Variants in COL18A1 observed in about 807,000 individuals in gnomAD.
COL18A1 encodes the protein collagen alpha-1(XVIII) chain.
In COL18A1, 133 loss-of-function variants were observed where a neutral mutation model predicts 168.0. That is an observed-to-expected ratio of 0.79 (90% confidence interval 0.69 to 0.91). COL18A1 has a LOEUF of 0.91. COL18A1 is among the 40% of genes least tolerant of loss of function. The probability of loss-of-function intolerance (pLI) is 0.00; values close to 1 mark genes in which losing one functional copy is unlikely to be tolerated. For synonymous variants in COL18A1, 949 were observed against 809.0 expected (o/e 1.17, Z -2.94); for missense variants, 2,126 against 1,925.4 (o/e 1.10, Z -1.95).
At position 45,415,755 on chromosome 21, in the gene COL18A1, G is replaced by A. The variant is rs537421515; in HGVS notation, c.106+10282G>A. Reference sequence around the variant, plus strand: ...GAGGCAAAGGCGCAGAAGCACTCCCGGAAAGTGCCATCCAGCCCAGTGCCT... The same window carrying A: ...GAGGCAAAGGCGCAGAAGCACTCCCAGAAAGTGCCATCCAGCCCAGTGCCT... On this transcript the variant is annotated intron_variant, in intron 2 of 41. Coordinates refer to ENST00000651438, the MANE Select transcript of COL18A1 (RefSeq NM_001379500.1). Among the ~76,000 whole-genome samples the A allele has an allele frequency of 5.9e-5, 9 of 152,338 alleles. No homozygotes were observed. In the East Asian group the frequency reaches 9.6e-4, roughly 16 times the overall value.
intron 6 of COL18A1, 27 bp from the exon 7 acceptor site, chr21:45,477,384 C>G: frequency 1.3e-6 from 2 of 1,598,506 alleles, no homozygotes; most frequent in South Asian, 2.2e-5. Flanking sequence ...GGGGCGTGAC[C>G]GTGGCCACCT....
intron 38 of COL18A1, among the ~76,000 whole-genome samples, chr21:45,508,897 G>A (rs145547815): frequency 0.02 from 3,046 of 152,254 alleles, 51 homozygotes; most frequent in South Asian, 0.034. Flanking sequence ...GCTGAGGGCC[G>A]TGGGGAAAGG....
chr21:45,476,355 C>A lies in COL18A1; in HGVS notation c.803C>A (p.Ala268Glu), dbSNP rs375414087. The change falls in exon 6 of 42, where the codon GCG becomes GAG. Residue 268 changes from alanine (A) to glutamate (E), a missense_variant. Coordinates refer to ENST00000651438, the MANE Select transcript of COL18A1 (RefSeq NM_001379500.1). ...ACCTCCCCTCTCGTCCTCCAGGGCG[C>A]GGCCCTAAAACCCAGGCTCCCCGCG... ...ARELLREETG[A>E]ALKPRLPAPP... The A allele has an allele frequency of 1.2e-6, 2 of 1,613,994 alleles. No individual in the cohort carries two copies. The highest frequency in any genetic ancestry group is 8.5e-7 in the Non-Finnish European group (1 of 1,179,974).
chr21:45,464,133 G>A (rs374663376), intron 2 of COL18A1, among the ~76,000 whole-genome samples: 42 of 152,250 alleles, frequency 2.8e-4, no homozygotes, highest in African/African-American at 1.0e-3. Context: ...GGGGCAGAGT[G>A]ACCACATTTC....
At chr21:45,411,775 G>GGGGGGGGGGT (rs2033302810) in intron 2 of COL18A1, among the ~76,000 whole-genome samples, 1 of 131,748 alleles carries the variant, frequency 7.6e-6, no homozygotes, top group Admixed American at 7.6e-5. Context: ...GTGGGGGGGG[G>GGGGGGGGGGT]GCAGGCTGTG....
chr21:45,494,244 GCCCTCCACCCTCCA>G (rs3831207), intron 26 of COL18A1: 10 of 449,078 alleles, frequency 2.2e-5, no homozygotes, highest in South Asian at 1.4e-4. Flanking sequence ...CGTGGCACAT[GCCCTCCACCCTCCA>G]CCCTCCACCC....
At position 45,509,513 on chromosome 21, in the gene COL18A1, G is replaced by A. The variant is rs750182809; in HGVS notation, c.3407G>A (p.Gly1136Glu). 2.9e-5 allele frequency: 44 copies of A among 1,534,330 alleles called. No individual in the cohort carries two copies. The highest frequency in any genetic ancestry group is 1.8e-4 in the Middle Eastern group (1 of 5,424). The change falls in exon 39 of 42, where the codon GGA becomes GAA. Residue 1136 changes from glycine to glutamate, a missense_variant. Gly to Glu is a moderately conservative substitution (Grantham distance 98, BLOSUM62 -2). Coordinates refer to ENST00000651438, the MANE Select transcript of COL18A1 (RefSeq NM_001379500.1). ...PRLPEPQPYP[G>E]APHHSSYVHL... ...CTGCCCGAGCCCCAGCCCTACCCCG[G>A]AGCCCCGCACCACAGCTCCTACGTG...
At chr21:45,490,163 G>C in intron 19 of COL18A1, 112 bp from the exon 20 acceptor site, 2 of 804,422 alleles carry the variant, frequency 2.5e-6, no homozygotes, top group Non-Finnish European at 4.1e-6. Context: ...AGGGGTGAGA[G>C]AGAGAAGTCC....
intron 15 of COL18A1, among the ~76,000 whole-genome samples, chr21:45,486,216 C>T (rs998141610): frequency 6.6e-6 from 1 of 152,018 alleles, no homozygotes; most frequent in Admixed American, 6.5e-5. Context: ...CCAGTGGTCC[C>T]AGGGTCCTGA....
At chr21:45,427,639 G>A (rs1233918956) in intron 2 of COL18A1, among the ~76,000 whole-genome samples, 1 of 152,224 alleles carries the variant, frequency 6.6e-6, no homozygotes, top group Non-Finnish European at 1.5e-5. Flanking sequence ...AGGCCGGCGG[G>A]TGTTGAGGTC....
intron 38 of COL18A1, among the ~76,000 whole-genome samples, chr21:45,508,869 G>A (rs1040288553): frequency 1.3e-5 from 2 of 152,204 alleles, no homozygotes; most frequent in African/African-American, 4.8e-5. Context: ...GATGGCAATG[G>A]CAGCTGGGTC....
intron 2 of COL18A1, among the ~76,000 whole-genome samples, chr21:45,454,719 G>A (rs1018150280): frequency 1.3e-5 from 2 of 152,234 alleles, no homozygotes; most frequent in Non-Finnish European, 2.9e-5. Context: ...CTGGCGGGGG[G>A]GCACAGCAGC....
intron 2 of COL18A1, among the ~76,000 whole-genome samples, chr21:45,460,527 C>A (rs2145868668): frequency 1.3e-5 from 2 of 152,328 alleles, no homozygotes; most frequent in South Asian, 4.1e-4. Context: ...CCATGATGGC[C>A]CCGAGGGGCT....
At chr21:45,496,299 C>T (rs757813556) in intron 29 of COL18A1, 10 of 713,288 alleles carry the variant, frequency 1.4e-5, no homozygotes, top group South Asian at 4.5e-5. Flanking sequence ...ACGACTCCAG[C>T]GTGGGATGAG....
At chr21:45,489,406 T>G (rs1470934225) in intron 18 of COL18A1, 80 bp from the exon 19 acceptor site, 7 of 1,075,748 alleles carry the variant, frequency 6.5e-6, no homozygotes, top group Non-Finnish European at 9.8e-6. Context: ...TAACTCACCC[T>G]TCCCTTCACC....
intron 2 of COL18A1, chr21:45,421,150 C>T (rs1010752339): frequency 1.2e-5 from 4 of 336,726 alleles, no homozygotes; most frequent in African/African-American, 6.5e-5. Context: ...ACTCCTCAGG[C>T]TCCTCAAGGA....
At chr21:45,437,406 TCACACTCAGA>T (rs2034166636) in intron 2 of COL18A1, among the ~76,000 whole-genome samples, 4 of 39,838 alleles carry the variant, frequency 1.0e-4, no homozygotes, top group Non-Finnish European at 8.9e-5. Flanking sequence ...ACACACACAC[TCACACTCAGA>T]CACACAGGCA....
At position 45,494,584 on chromosome 21, in the gene COL18A1, C is replaced by T; in HGVS notation, c.2379+13C>T. The T allele has an allele frequency of 1.2e-6, 2 of 1,613,086 alleles. No homozygotes were observed. Among genetic ancestry groups the T allele is most frequent in the Non-Finnish European group, 1.7e-6 (2 of 1,179,986 alleles). ...CCGAGGACCCCCGGTAAGTCGGTCC[C>T]TGGCTTTCTCTGCACTGAGCTCGGG... On this transcript the variant is annotated intron_variant, in intron 27 of 41. Transcript: ENST00000651438.
chr21:45,452,533 T>A (rs1184228150), intron 2 of COL18A1, among the ~76,000 whole-genome samples: 1 of 152,192 alleles, frequency 6.6e-6, no homozygotes, highest in Non-Finnish European at 1.5e-5. Context: ...CATGTACATA[T>A]GTGATTGTGT....
Sources: allele counts gnomAD v4.1 joint callset (sites outside exome capture counted in the v4.1 genomes callset), GRCh38; gene constraint gnomAD v4.1.1; transcripts MANE v1.5; gene names NCBI Gene and HGNC (gene_info 2026-07-23, HGNC 2026-07-21).